CDH20: variants seen among roughly 807,000 people sequenced by gnomAD.
CDH20 encodes the protein cadherin-20.
CDH20 carries 29 observed loss-of-function variants against 74.2 expected under a neutral mutation model. The ratio of observed to expected loss-of-function variants is 0.39; its 90% confidence interval spans 0.29 to 0.53. The LOEUF is 0.53. Among genes scored for constraint, CDH20 ranks in the 20% least tolerant of loss-of-function variants. The pLI is 0.69. For synonymous variants in CDH20, 469 were observed against 405.4 expected (o/e 1.16, Z -1.88); for missense variants, 988 against 1,048.3 (o/e 0.94, Z 0.79).
Position 61,554,400 on chromosome 18 carries a change from A to G in CDH20, c.2111A>G (p.Glu704Gly). Reference sequence around the variant, plus strand: ...AAGACGCGGCAGGACATGCTGCCCGAGATCGAGAGCCTCTCCCGCTACGTG... The same window carrying G: ...AAGACGCGGCAGGACATGCTGCCCGGGATCGAGAGCCTCTCCCGCTACGTG... ...APKTRQDMLP[E>G]IESLSRYVPQ... Residue 704 changes from glutamate (E) to glycine (G), a missense_variant, in exon 12 of 12, where the codon GAG becomes GGG. Physicochemically the swap from Glu to Gly is moderately conservative, Grantham distance 98. Around this residue, in one of 2 missense-constraint regions of CDH20, gnomAD observed 375 missense variants for 293.1 expected, o/e 1.28. Coordinates refer to ENST00000262717, the MANE Select transcript of CDH20 (RefSeq NM_031891.4). 6.2e-7 allele frequency: 1 copy of G among 1,612,942 alleles called. No individual in the cohort carries two copies. The highest frequency in any genetic ancestry group is 2.2e-5 in the East Asian group (1 of 44,844).
Position 61,378,741 on chromosome 18 carries a change from AC to A in CDH20, c.-153+44915del. Among the ~76,000 whole-genome samples the A allele has an allele frequency of 2.0e-5, 3 of 152,324 alleles. No individual in the cohort carries two copies. The South Asian group carries it at 6.2e-4, about 32-fold the overall frequency. ...AAAGCTCTGATTTAGATCAAATGTA[AC>A]AAAACTTTCAGGTAGATAATAAGGG... On this transcript the variant is annotated intron_variant, in intron 1 of 11. Transcript: ENST00000262717.
intron 1 of CDH20, among the ~76,000 whole-genome samples, chr18:61,448,315 T>C (rs776001684): frequency 6.6e-6 from 1 of 152,188 alleles, no homozygotes; most frequent in Admixed American, 6.5e-5. Context: ...TACTTGTAAG[T>C]GCTTTCCCCA....
chr18:61,390,151 G>C (rs1911729919), intron 1 of CDH20, among the ~76,000 whole-genome samples: 1 of 148,774 alleles, frequency 6.7e-6, no homozygotes, highest in East Asian at 2.1e-4. Context: ...TATGAGAACA[G>C]GGATCCTGCC....
intron 1 of CDH20, among the ~76,000 whole-genome samples, chr18:61,397,348 C>G (rs377094998): frequency 5.9e-5 from 9 of 152,122 alleles, no homozygotes; most frequent in African/African-American, 2.2e-4. Flanking sequence ...TTCCTGGAGT[C>G]CTCCTGGCCT....
intron 1 of CDH20, among the ~76,000 whole-genome samples, chr18:61,399,798 C>T (rs1402496954): frequency 6.6e-6 from 1 of 152,120 alleles, no homozygotes; most frequent in Admixed American, 6.6e-5. Context: ...CTTTGGTTTA[C>T]TCTGTAAAAA....
Position 61,489,933 on chromosome 18 carries a change from C to CA in CDH20, c.-152-460dup, listed in dbSNP as rs993262554. On this transcript the variant is annotated intron_variant, in intron 1 of 11. Coordinates refer to ENST00000262717, the MANE Select transcript of CDH20 (RefSeq NM_031891.4). Reference sequence around the variant, plus strand: ...TAGGCACAAGATCATTGTGGGTGACCAAAAAAAAACAAGGTAGTTGGATTT... The same window carrying CA: ...TAGGCACAAGATCATTGTGGGTGACCAAAAAAAAAACAAGGTAGTTGGATTT... Among the ~76,000 whole-genome samples, 34 of 148,350 alleles carry CA rather than the reference C, an allele frequency of 2.3e-4. 1 individual carries two copies. The highest frequency in any genetic ancestry group is 5.2e-4 in the African/African-American group (21 of 40,280).
chr18:61,418,498 G>A (rs1295815010), intron 1 of CDH20, among the ~76,000 whole-genome samples: 1 of 140,826 alleles, frequency 7.1e-6, no homozygotes, highest in East Asian at 2.3e-4. Flanking sequence ...AGTTTGCAGT[G>A]AGCCAAGATC....
At chr18:61,388,673 C>T (rs1295528480) in intron 1 of CDH20, among the ~76,000 whole-genome samples, 1 of 152,158 alleles carries the variant, frequency 6.6e-6, no homozygotes. Context: ...TTTAGGCAAA[C>T]ACTTTTAAGT....
rs146750866 is a variant in CDH20 at position 61,512,024 on chromosome 18, C to T, written c.1017+4464C>T. Among the ~76,000 whole-genome samples, 423 of 152,294 alleles carry T rather than the reference C, an allele frequency of 2.8e-3. 5 individuals carry two copies. Among genetic ancestry groups the T allele is most frequent in the African/African-American group, 9.4e-3 (391 of 41,546 alleles). ...AGATGTCTGCTCCACGCCCATCTTCCCACTTTGTCATTAATAATGTCATAT... is the reference window on the plus strand; with the variant it reads ...AGATGTCTGCTCCACGCCCATCTTCTCACTTTGTCATTAATAATGTCATAT... On this transcript the variant is annotated intron_variant, in intron 6 of 11. Coordinates refer to ENST00000262717, the MANE Select transcript of CDH20 (RefSeq NM_031891.4).
At chr18:61,381,977 G>A (rs1911447300) in intron 1 of CDH20, among the ~76,000 whole-genome samples, 1 of 151,722 alleles carries the variant, frequency 6.6e-6, no homozygotes, top group Non-Finnish European at 1.5e-5. Flanking sequence ...ACCCCCCCCA[G>A]TATGGTCACA....
At chr18:61,538,707 C>CTTGT (rs1392981276) in intron 8 of CDH20, among the ~76,000 whole-genome samples, 1 of 150,040 alleles carries the variant, frequency 6.7e-6, no homozygotes, top group African/African-American at 2.4e-5. Context: ...CAAGCTCCAC[C>CTTGT]TCCCGGGTTC....
At chr18:61,517,977 C>T (rs1415516201) in intron 6 of CDH20, among the ~76,000 whole-genome samples, 1 of 152,126 alleles carries the variant, frequency 6.6e-6, no homozygotes. Context: ...GGCAGTTTTC[C>T]CCTAACAGTG....
intron 4 of CDH20, among the ~76,000 whole-genome samples, chr18:61,502,071 A>C (rs1911403272): frequency 6.6e-6 from 1 of 152,238 alleles, no homozygotes; most frequent in African/African-American, 2.4e-5. Context: ...TTCCATTTTC[A>C]TGCAAAAGGT....
intron 1 of CDH20, among the ~76,000 whole-genome samples, chr18:61,348,749 A>G (rs1252794495): frequency 6.6e-6 from 1 of 152,242 alleles, no homozygotes; most frequent in African/African-American, 2.4e-5. Context: ...CACAACTAGC[A>G]TGGAGAGAAG....
Position 61,356,063 on chromosome 18 carries a change from G to T in CDH20, c.-153+22236G>T, listed in dbSNP as rs1910486507. 2.0e-5 allele frequency among the ~76,000 whole-genome samples: 3 copies of T among 151,346 alleles called. No individual in the cohort carries two copies. The South Asian group carries it at 6.3e-4, about 32-fold the overall frequency. On this transcript the variant is annotated intron_variant, in intron 1 of 11. Transcript: ENST00000262717. ...GGTGGGCTGGGGAAGAGTAAAGAGT[G>T]ATTCCACCCCTCAAAATCTACACTC...
intron 1 of CDH20, among the ~76,000 whole-genome samples, chr18:61,356,442 C>T (rs899919382): frequency 6.6e-6 from 1 of 152,122 alleles, no homozygotes; most frequent in Non-Finnish European, 1.5e-5. Flanking sequence ...CAAAATCTTA[C>T]ACCTTTAATA....
intron 11 of CDH20, among the ~76,000 whole-genome samples, chr18:61,551,787 T>G (rs945005931): frequency 6.6e-6 from 1 of 152,196 alleles, no homozygotes; most frequent in Admixed American, 6.5e-5. Context: ...ATTTCCAGAC[T>G]GGCTGTCCTT....
At chr18:61,485,003 C>T (rs1304992136) in intron 1 of CDH20, among the ~76,000 whole-genome samples, 1 of 151,962 alleles carries the variant, frequency 6.6e-6, no homozygotes, top group East Asian at 1.9e-4. Context: ...CTGACAATGG[C>T]CTGAGTGAAC....
intron 9 of CDH20, 109 bp downstream of exon 9, chr18:61,539,254 T>G: frequency 9.4e-7 from 1 of 1,065,360 alleles, no homozygotes; most frequent in Non-Finnish European, 1.4e-6. Context: ...AAACGAACAG[T>G]TCACAAAACA....
Sources: allele counts gnomAD v4.1 joint callset (sites outside exome capture counted in the v4.1 genomes callset), GRCh38; gene constraint gnomAD v4.1.1; regional missense constraint gnomAD v4.1.1; transcripts MANE v1.5; gene names NCBI Gene and HGNC (gene_info 2026-07-23, HGNC 2026-07-21).